Variants in ZDHHC6 observed in about 807,000 individuals in gnomAD.
The protein encoded by ZDHHC6 is palmitoyltransferase ZDHHC6.
ZDHHC6 carries 32 observed loss-of-function variants against 57.8 expected under a neutral mutation model. The observed-to-expected ratio is 0.55, with a 90% confidence interval of 0.42 to 0.74. The LOEUF is 0.74. Among genes scored for constraint, ZDHHC6 ranks in the 30% least tolerant of loss-of-function variants. ZDHHC6 has a pLI of 0.00. For missense variants in ZDHHC6, 433 were observed against 500.7 expected (o/e 0.86, Z 1.29); for synonymous variants, 128 against 158.0 (o/e 0.81, Z 1.42).
intron 5 of ZDHHC6, among the ~76,000 whole-genome samples, chr10:112,439,628 T>TAAAAAAAA (rs869272293): frequency 2.1e-3 from 65 of 31,304 alleles, no homozygotes; most frequent in East Asian, 6.3e-3. Flanking sequence ...AGACTCCGTC[T>TAAAAAAAA]AAAAAAAAAA....
At chr10:112,438,961 A>T (rs1017829641) in intron 5 of ZDHHC6, among the ~76,000 whole-genome samples, 3 of 152,214 alleles carry the variant, frequency 2.0e-5, no homozygotes, top group Admixed American at 6.5e-5. Flanking sequence ...TATGATTCTA[A>T]ATTAGAGGCA....
intron 7 of ZDHHC6, 57 bp from the exon 8 acceptor site, chr10:112,433,338 T>C (rs551930617): frequency 1.4e-6 from 2 of 1,395,710 alleles, no homozygotes; most frequent in African/African-American, 1.5e-5. Flanking sequence ...TGTTGAAAAA[T>C]CGCCTTTCCT....
At chr10:112,432,138 C>T in intron 10 of ZDHHC6, 102 bp downstream of exon 10, 1 of 1,128,702 alleles carries the variant, frequency 8.9e-7, no homozygotes, top group Non-Finnish European at 1.3e-6. Context: ...ATGCAGTTCC[C>T]CTAATGCATT....
chr10:112,445,045 G>A, intron 2 of ZDHHC6, 125 bp downstream of exon 2: 1 of 1,093,304 alleles, frequency 9.1e-7, no homozygotes, highest in South Asian at 1.7e-5. Context: ...AGTGATTAGA[G>A]TAATATACTT....
chr10:112,445,781 A>C (rs1162020125), intron 1 of ZDHHC6, 131 bp from the exon 2 acceptor site: 5 of 403,254 alleles, frequency 1.2e-5, no homozygotes, highest in East Asian at 1.0e-4. Context: ...TTTGGGATGC[A>C]TATCTTGTCA....
chr10:112,426,698 T>A, downstream of ZDHHC6: 1 of 1,128,216 alleles, frequency 8.9e-7, no homozygotes, highest in South Asian at 1.3e-5. Context: ...TCATACTGCA[T>A]GGCTTTGACA....
At chr10:112,439,788 A>G (rs1167430307) in intron 5 of ZDHHC6, among the ~76,000 whole-genome samples, 2 of 151,856 alleles carry the variant, frequency 1.3e-5, no homozygotes, top group African/African-American at 2.4e-5. Context: ...TAACTGTTTA[A>G]TATTAACTGT....
chr10:112,432,693 T>A (rs1218256011), intron 8 of ZDHHC6, among the ~76,000 whole-genome samples, 172 bp from the exon 9 acceptor site: 2 of 152,168 alleles, frequency 1.3e-5, no homozygotes, highest in East Asian at 3.9e-4. Context: ...GGGAGGCAAC[T>A]AATGTTTCTA....
At chr10:112,434,542 T>A in intron 6 of ZDHHC6, 78 bp from the exon 7 acceptor site, 2 of 1,329,210 alleles carry the variant, frequency 1.5e-6, no homozygotes, top group Non-Finnish European at 2.0e-6. Flanking sequence ...AGAACACTTA[T>A]TTCTCAAGTT....
At position 112,442,351 on chromosome 10, in the gene ZDHHC6, T is replaced by C; in HGVS notation, c.360A>G (p.Arg120=). Residue 120 remains arginine (R), a splice_region_variant and synonymous_variant, in exon 4 of 11, where the codon AGA becomes AGG. Coordinates refer to ENST00000369405, the MANE Select transcript of ZDHHC6 (RefSeq NM_022494.3). ...AGTGATGGTCCATCTTCATCACACATCTAACAAGAAAAATTTACATAAAAC... is the reference window on the plus strand; with the variant it reads ...AGTGATGGTCCATCTTCATCACACACCTAACAAGAAAAATTTACATAAAAC... ...PRSHHCRKCN[R]CVMKMDHHCP... 1.2e-6 allele frequency: 2 copies of C among 1,601,538 alleles called. No homozygotes were observed. Among genetic ancestry groups the C allele is most frequent in the Non-Finnish European group, 1.7e-6 (2 of 1,176,320 alleles).
intron 4 of ZDHHC6, among the ~76,000 whole-genome samples, chr10:112,440,933 C>T (rs1260028033): frequency 1.3e-5 from 2 of 152,238 alleles, no homozygotes; most frequent in Non-Finnish European, 1.5e-5. Context: ...GCAACCTCCA[C>T]CTCCCAGGTT....
chr10:112,432,535 T>A lies in ZDHHC6; in HGVS notation c.946-14A>T, dbSNP rs754136757. The A allele has an allele frequency of 6.2e-7, 1 of 1,608,068 alleles. No individual in the cohort carries two copies. Among genetic ancestry groups the A allele is most frequent in the Non-Finnish European group, 8.5e-7 (1 of 1,178,324 alleles). Reference sequence around the variant, plus strand: ...TTTATAGCGAACCTGTCGTCAGTGATCAGAAGAAACCTTTAAATATTCACC... The same window carrying A: ...TTTATAGCGAACCTGTCGTCAGTGAACAGAAGAAACCTTTAAATATTCACC... On this transcript the variant is annotated splice_polypyrimidine_tract_variant and intron_variant, in intron 8 of 10. Coordinates refer to ENST00000369405, the MANE Select transcript of ZDHHC6 (RefSeq NM_022494.3).
At position 112,430,582 on chromosome 10, in the gene ZDHHC6, G is replaced by C. The variant is rs909962992; in HGVS notation, c.*222C>G. The C allele has an allele frequency of 7.5e-6, 3 of 401,664 alleles. No homozygotes were observed. The highest frequency in any genetic ancestry group is 4.4e-5 in the East Asian group (1 of 22,954). 24.9% of individuals were successfully genotyped at this position (401,664 alleles called of 1,614,324 possible). On this transcript the variant is annotated 3_prime_UTR_variant, in exon 11 of 11. Transcript: ENST00000369405. ...CTTGGATGAAATGTTTTTCCTTTGA[G>C]GGGGAGGAAGAGGTGGTAAAGAGGG...
intron 7 of ZDHHC6, among the ~76,000 whole-genome samples, chr10:112,434,050 T>C (rs1471850425): frequency 6.6e-6 from 1 of 152,162 alleles, no homozygotes; most frequent in Non-Finnish European, 1.5e-5. Flanking sequence ...AGGTAATTTT[T>C]GGCCAGATTT....
chr10:112,431,703 T>G (rs1164792116), intron 10 of ZDHHC6, among the ~76,000 whole-genome samples: 1 of 152,058 alleles, frequency 6.6e-6, no homozygotes, highest in Non-Finnish European at 1.5e-5. Context: ...CGAGCTAATC[T>G]TTACTTTAAA....
chr10:112,443,093 T>C (rs1376075266), intron 3 of ZDHHC6, among the ~76,000 whole-genome samples: 1 of 152,208 alleles, frequency 6.6e-6, no homozygotes, highest in Non-Finnish European at 1.5e-5. Flanking sequence ...GATTATTAGA[T>C]GTGTATAAAG....
At chr10:112,447,458 C>T, upstream of ZDHHC6, 1 of 1,613,402 alleles carries the variant, frequency 6.2e-7, no homozygotes, top group Non-Finnish European at 8.5e-7. Flanking sequence ...GGTCCCACGA[C>T]TCCCGCCTGG....
intron 5 of ZDHHC6, among the ~76,000 whole-genome samples, chr10:112,438,601 A>G (rs1490580061): frequency 6.6e-6 from 1 of 151,966 alleles, no homozygotes. Context: ...CTCCGTAACA[A>G]TGATTACACC....
downstream of ZDHHC6, among the ~76,000 whole-genome samples, chr10:112,428,646 C>G (rs531620791): frequency 5.3e-5 from 8 of 152,212 alleles, no homozygotes; most frequent in Admixed American, 4.6e-4. Flanking sequence ...TGGCGGGCAC[C>G]TGTAGTCCCA....
Sources: allele counts gnomAD v4.1 joint callset (sites outside exome capture counted in the v4.1 genomes callset), GRCh38; gene constraint gnomAD v4.1.1; transcripts MANE v1.5; gene names NCBI Gene and HGNC (gene_info 2026-07-23, HGNC 2026-07-21).